Variants in TNRC18 observed in about 807,000 individuals in gnomAD.
TNRC18 encodes trinucleotide repeat-containing gene 18 protein.
A neutral mutation model predicts 226.7 loss-of-function variants in TNRC18; 69 were observed. The ratio of observed to expected loss-of-function variants is 0.30; its 90% CI spans 0.25 to 0.37. The LOEUF is 0.37. Ranked by LOEUF, TNRC18 falls within the 10% of genes least tolerant of loss-of-function variation. The pLI, the probability that TNRC18 is intolerant of heterozygous loss-of-function variation, is 1.00. For missense variants in TNRC18, 4,754 were observed against 4,256.6 expected (o/e 1.12, Z -3.25); for synonymous variants, 2,449 against 1,927.6 (o/e 1.27, Z -7.09).
chr7:5,341,076 T>G (rs572890298), intron 18 of TNRC18, among the ~76,000 whole-genome samples: 4 of 151,536 alleles, frequency 2.6e-5, no homozygotes, highest in African/African-American at 9.7e-5. Context: ...AACCCCAGGG[T>G]CCTTAAGAAT....
rs199588962 is a variant in TNRC18, at chr7:5,316,000, G to A, written c.6818C>T (p.Pro2273Leu). The change falls in exon 25 of 30, where the codon CCC becomes CTC. Residue 2273 changes from proline to leucine, a missense_variant. By Grantham distance (98) the Pro-to-Leu change is moderately conservative. Transcript: ENST00000430969. ...EFDDGDTGRI[P>L]LSHIRLLPPD... is the part of the protein sequence containing the mutation. ...GGGCAGGAGGCGGATATGTGAGAGG[G>A]GGATCCTGCCCGTGTCTCCGTCGTC... 2,703 of 1,603,852 alleles carry A rather than the reference G, an allele frequency of 1.7e-3. 5 individuals carry two copies. Among genetic ancestry groups the A allele is most frequent in the Non-Finnish European group, 2.1e-3 (2,437 of 1,175,438 alleles).
chr7:5,415,831 G>A (rs1019578152), intron 2 of TNRC18, among the ~76,000 whole-genome samples: 1 of 151,818 alleles, frequency 6.6e-6, no homozygotes, highest in African/African-American at 2.4e-5. Flanking sequence ...GTTAAGCTGG[G>A]AGTGGTGGCT....
At position 5,360,471 on chromosome 7, in the gene TNRC18, C is replaced by T. The variant is rs140225408; in HGVS notation, c.4662-902G>A. ...TCTCAAACTCCTGACCTCAAGTGAT[C>T]CGCCTGCCTCGGCCTCCTAAAGTGC... On this transcript the variant is annotated intron_variant, in intron 14 of 29. Transcript: ENST00000430969. Among the ~76,000 whole-genome samples the T allele has an allele frequency of 4.7e-3, 709 of 152,286 alleles. 5 individuals carry two copies. The highest frequency in any genetic ancestry group is 0.016 in the African/African-American group (683 of 41,552).
At chr7:5,393,203 T>C (rs979036629) in intron 3 of TNRC18, among the ~76,000 whole-genome samples, 13 of 152,224 alleles carry the variant, frequency 8.5e-5, no homozygotes, top group African/African-American at 3.1e-4. Flanking sequence ...AGGCAGGCTC[T>C]CCTCATCCAG....
At chr7:5,366,316 A>ATTTTT (rs1793615937) in intron 11 of TNRC18, among the ~76,000 whole-genome samples, 5 of 53,682 alleles carry the variant, frequency 9.3e-5, no homozygotes, top group African/African-American at 1.1e-4. Flanking sequence ...CTCTTCTTAT[A>ATTTTT]TCTTTTTTTT....
At chr7:5,356,790 G>T (rs925248750) in intron 16 of TNRC18, 126 bp downstream of exon 16, 2 of 1,332,422 alleles carry the variant, frequency 1.5e-6, no homozygotes, top group Non-Finnish European at 2.0e-6. Flanking sequence ...ACTGTAGTGC[G>T]CCCCAGAGAG....
intron 5 of TNRC18, among the ~76,000 whole-genome samples, chr7:5,382,527 T>C (rs1779469333): frequency 6.6e-6 from 1 of 151,926 alleles, no homozygotes; most frequent in African/African-American, 2.4e-5. Context: ...AGGGTTGCTC[T>C]CCAGGGGTCC....
At chr7:5,402,168 G>C (rs1311999184) in intron 2 of TNRC18, among the ~76,000 whole-genome samples, 1 of 116,760 alleles carries the variant, frequency 8.6e-6, no homozygotes. Flanking sequence ...AACACAGCGA[G>C]ACTCTGTCTC....
chr7:5,361,498 G>A, intron 14 of TNRC18, 96 bp downstream of exon 14: 1 of 1,365,404 alleles, frequency 7.3e-7, no homozygotes, highest in Non-Finnish European at 9.6e-7. Context: ...AGGGACGCGA[G>A]GTCCCCCAGC....
chr7:5,350,768 G>T (rs1791711818), intron 17 of TNRC18, among the ~76,000 whole-genome samples: 1 of 152,200 alleles, frequency 6.6e-6, no homozygotes, highest in Non-Finnish European at 1.5e-5. Context: ...GGGCCTGGCA[G>T]CTCTCTCTTG....
At chr7:5,371,794 GGCGTGGTGGGCCACGCCT>G (rs931160025) in intron 10 of TNRC18, among the ~76,000 whole-genome samples, 16 of 151,612 alleles carry the variant, frequency 1.1e-4, no homozygotes, top group African/African-American at 3.9e-4. Context: ...AGCAGAGCCA[GGCGTGGTGGGCCACGCCT>G]GTAATCCCAG....
At chr7:5,401,228 G>A (rs1244907471) in intron 2 of TNRC18, among the ~76,000 whole-genome samples, 2 of 129,308 alleles carry the variant, frequency 1.5e-5, no homozygotes, top group African/African-American at 2.9e-5. Context: ...GGTTCGAGTC[G>A]GGGGGGGGCG....
chr7:5,388,478 G>A lies in TNRC18; in HGVS notation c.1346C>T (p.Ala449Val), dbSNP rs1779994227. The change falls in exon 5 of 30, where the codon GCC becomes GTC. Residue 449 changes from alanine (A) to valine (V), a missense_variant. Physicochemically the swap from Ala to Val is moderately conservative, Grantham distance 64 (BLOSUM62 0). Transcript: ENST00000430969. ...GCGGGGGTCCGGGGAGGCGCGTGTG[G>A]CCCGCACCGTGGGGGCATCCGCGGG... ...PPPADAPTVR[A>V]TRASPDPRAY... The A allele has an allele frequency of 2.2e-6, 3 of 1,391,752 alleles. No homozygotes were observed. Among genetic ancestry groups the A allele is most frequent in the African/African-American group, 1.5e-5 (1 of 64,566 alleles). 86.2% of individuals were successfully genotyped at this position (1,391,752 alleles called of 1,614,324 possible).
At chr7:5,320,850 C>A (rs761498940) in intron 22 of TNRC18, among the ~76,000 whole-genome samples, 23 of 152,370 alleles carry the variant, frequency 1.5e-4, no homozygotes, top group Non-Finnish European at 2.4e-4. Context: ...CTCACCCCTT[C>A]CCGCTGCGGA....
intron 27 of TNRC18, among the ~76,000 whole-genome samples, chr7:5,310,200 G>C (rs1787034061): frequency 6.6e-6 from 1 of 151,528 alleles, no homozygotes; most frequent in African/African-American, 2.4e-5. Context: ...ACCACACCTG[G>C]CCTTTTTTAT....
At position 5,306,884 on chromosome 7, in the gene TNRC18, A is replaced by AG. The variant is rs1015556402; in HGVS notation, c.*1221_*1222insC. The AG allele has an allele frequency of 2.9e-4, 44 of 151,204 alleles. No homozygotes were observed. Among genetic ancestry groups the AG allele is most frequent in the African/African-American group, 1.1e-3 (44 of 41,142 alleles). The allele number at this position is 151,204 out of a possible 1,614,324, so 9.4% of individuals were successfully genotyped here. Reference sequence around the variant, plus strand: ...AAAATTCCAAAAGAAACATAAAAAAAAAAACCAATAATTCCCCCAAAAAAC... The same window carrying AG: ...AAAATTCCAAAAGAAACATAAAAAAAGAAAACCAATAATTCCCCCAAAAAAC... On this transcript the variant is annotated 3_prime_UTR_variant, in exon 30 of 30. Transcript: ENST00000430969.
intron 5 of TNRC18, among the ~76,000 whole-genome samples, chr7:5,386,151 G>C (rs1326704919): frequency 6.6e-6 from 1 of 151,582 alleles, no homozygotes; most frequent in Non-Finnish European, 1.5e-5. Context: ...AGCCAGGCGT[G>C]ATGGCACGCA....
intron 11 of TNRC18, among the ~76,000 whole-genome samples, chr7:5,368,097 C>T (rs1277449086): frequency 1.3e-5 from 2 of 151,330 alleles, no homozygotes; most frequent in African/African-American, 4.9e-5. Context: ...AAATGCCTGA[C>T]CATCTAAGAC....
At chr7:5,356,244 G>C (rs1208730497) in intron 16 of TNRC18, among the ~76,000 whole-genome samples, 1 of 151,810 alleles carries the variant, frequency 6.6e-6, no homozygotes, top group Non-Finnish European at 1.5e-5. Flanking sequence ...AGGTGGGTCG[G>C]GCCGAACCAG....
Sources: allele counts gnomAD v4.1 joint callset (sites outside exome capture counted in the v4.1 genomes callset), GRCh38; gene constraint gnomAD v4.1.1; transcripts MANE v1.5; gene names NCBI Gene and HGNC (gene_info 2026-07-23, HGNC 2026-07-21).